The following TPM1 variants were observed in gnomAD, a reference collection of about 807,000 sequenced individuals.
The protein encoded by TPM1 is tropomyosin 1.
TPM1 carries 24 observed loss-of-function variants against 42.9 expected under a neutral mutation model. The ratio of observed to expected loss-of-function variants is 0.56; its 90% confidence interval spans 0.41 to 0.79. The LOEUF is 0.79. Ranked by LOEUF, TPM1 falls within the 30% of genes least tolerant of loss-of-function variation. The probability of loss-of-function intolerance (pLI) is 0.00; values close to 1 mark genes in which losing one functional copy is unlikely to be tolerated. For missense variants in TPM1, 158 were observed against 351.8 expected, an observed-to-expected ratio of 0.45 and a Z score of 4.41; for synonymous variants, 136 against 130.1, an observed-to-expected ratio of 1.05 and a Z score of -0.31.
intron 2 of TPM1, chr15:63,048,937 G>A (rs1217262944): frequency 2.1e-5 from 13 of 624,612 alleles, no homozygotes; most frequent in Non-Finnish European, 5.7e-6. Flanking sequence ...GCTCCCAGGG[G>A]AAACGGGTGG....
At chr15:63,052,089 A>G (rs2033991827) in intron 2 of TPM1, among the ~76,000 whole-genome samples, 1 of 151,386 alleles carries the variant, frequency 6.6e-6, no homozygotes, top group Non-Finnish European at 1.5e-5. Context: ...GCAGGAGGAC[A>G]TTGGTAGCCT....
rs550286836 is a variant in TPM1 at position 63,061,708 on chromosome 15, A to G, written c.564-5A>G. ...ACCCTTTCTGCCTCTGATCGAAAACATTAGCAAATGTGCCGAGCTTGAAGA... is the reference window on the plus strand; with the variant it reads ...ACCCTTTCTGCCTCTGATCGAAAACGTTAGCAAATGTGCCGAGCTTGAAGA... On this transcript the variant is annotated splice_region_variant and splice_polypyrimidine_tract_variant and intron_variant, in intron 5 of 9. Transcript: ENST00000403994. 8.7e-6 allele frequency: 14 copies of G among 1,613,976 alleles called. No individual in the cohort carries two copies. The African/African-American group carries it at 1.1e-4, about 12-fold the overall frequency.
At chr15:63,058,499 G>A (rs1281388826) in intron 3 of TPM1, among the ~76,000 whole-genome samples, 2 of 152,074 alleles carry the variant, frequency 1.3e-5, no homozygotes, top group Non-Finnish European at 2.9e-5. Flanking sequence ...TTGAGGCCAG[G>A]GATTCGAGAC....
chr15:63,062,393 G>A (rs2035757029), intron 7 of TPM1, 116 bp downstream of exon 7: 4 of 1,316,234 alleles, frequency 3.0e-6, no homozygotes, highest in Non-Finnish European at 4.4e-6. Flanking sequence ...AATATTCAAA[G>A]GTCGCCTTGG....
downstream of TPM1, chr15:63,069,971 A>G: frequency 6.2e-7 from 1 of 1,613,768 alleles, no homozygotes; most frequent in Non-Finnish European, 8.5e-7. Flanking sequence ...CTTGGGCTGA[A>G]TTCTAGGCGT....
At chr15:63,071,860 T>C (rs571224494) in exon 9 of TPM1, 79 of 153,684 alleles carry the variant, frequency 5.1e-4, no homozygotes, top group African/African-American at 1.9e-3. Context: ...TTTAACTATA[T>C]GTAAACATTG....
chr15:63,048,775 C>T (rs1384933407), intron 2 of TPM1: 1 of 1,508,566 alleles, frequency 6.6e-7, no homozygotes. Context: ...CCGCAGGGCC[C>T]TCCTGCTTCC....
At chr15:63,058,853 G>A (rs2035190524) in intron 3 of TPM1, among the ~76,000 whole-genome samples, 1 of 152,012 alleles carries the variant, frequency 6.6e-6, no homozygotes, top group Admixed American at 6.5e-5. Flanking sequence ...ATTACACCAC[G>A]CTATAGGACC....
chr15:63,064,201 C>G, intron 9 of TPM1, 59 bp downstream of exon 9: 1 of 1,584,446 alleles, frequency 6.3e-7, no homozygotes, highest in Non-Finnish European at 8.6e-7. Flanking sequence ...GTAATAAACT[C>G]ACCACCATGC....
In TPM1 at chr15:63,048,513, G is replaced by A. The variant is rs886928858; in HGVS notation, c.240+4361G>A. ...CAGCCAGGACAGCCGCGGCAGCCGG[G>A]TCCGCAGGGCAGCAGCCGGCCTCTC... On this transcript the variant is annotated intron_variant, in intron 2 of 9. Transcript: ENST00000403994. The A allele has an allele frequency of 1.2e-5, 18 of 1,483,026 alleles. No homozygotes were observed. In the African/African-American group the frequency reaches 2.4e-4, roughly 19 times the overall value. The allele number at this position is 1,483,026 out of a possible 1,614,324, so 91.9% of individuals were successfully genotyped here.
chr15:63,048,565 C>A (rs1174117400), intron 2 of TPM1: 3 of 1,522,958 alleles, frequency 2.0e-6, no homozygotes, highest in Non-Finnish European at 2.6e-6. Flanking sequence ...GCCCGCCTAC[C>A]GTCCGGCGCG....
intron 9 of TPM1, 48 bp from the exon 10 acceptor site, chr15:63,065,848 C>G (rs184303462): frequency 4.5e-6 from 6 of 1,346,936 alleles, no homozygotes; most frequent in Non-Finnish European, 4.9e-6. Flanking sequence ...TTTTTTTTTT[C>G]TCATTGTGCC....
At chr15:63,062,436 C>T in intron 7 of TPM1, 140 bp from the exon 8 acceptor site, 1 of 1,255,714 alleles carries the variant, frequency 8.0e-7, no homozygotes, top group Non-Finnish European at 1.2e-6. Context: ...CCATTTCTCA[C>T]AGAGGTGACT....
At chr15:63,069,891 A>G (rs746345875), downstream of TPM1, 4 of 1,614,010 alleles carry the variant, frequency 2.5e-6, no homozygotes, top group Non-Finnish European at 3.4e-6. Context: ...CAGCAACTTG[A>G]GCAAAATCGC....
intron 2 of TPM1, chr15:63,047,852 C>A: frequency 5.1e-6 from 1 of 196,320 alleles, no homozygotes; most frequent in Non-Finnish European, 1.1e-5. Context: ...TTACAGATGA[C>A]GCCCAGAGAA....
chr15:63,048,478 C>T (rs767366662), intron 2 of TPM1: 20 of 1,404,496 alleles, frequency 1.4e-5, no homozygotes, highest in South Asian at 9.3e-5. Flanking sequence ...CGGGGCGGAC[C>T]GGCGCTGGGC....
chr15:63,068,004 C>A (rs1308306740), downstream of TPM1, among the ~76,000 whole-genome samples: 1 of 152,212 alleles, frequency 6.6e-6, no homozygotes, highest in Non-Finnish European at 1.5e-5. Flanking sequence ...TCATACTGAC[C>A]CTCTGGATTC....
chr15:63,045,181 A>G (rs2032123418), intron 2 of TPM1: 1 of 152,126 alleles, frequency 6.6e-6, no homozygotes, highest in Non-Finnish European at 1.5e-5. Context: ...TTTTTATATG[A>G]AAGTAACATG....
intron 2 of TPM1, chr15:63,047,450 C>A (rs2032619238): frequency 6.6e-6 from 1 of 152,284 alleles, no homozygotes; most frequent in Admixed American, 6.5e-5. Context: ...GAGACTGTAT[C>A]TGCGGTGGTT....
Sources: allele counts gnomAD v4.1 joint callset (sites outside exome capture counted in the v4.1 genomes callset), GRCh38; gene constraint gnomAD v4.1.1; transcripts MANE v1.5; gene names NCBI Gene and HGNC (gene_info 2026-07-23, HGNC 2026-07-21).